GAS2: variants seen among roughly 807,000 people sequenced by gnomAD.
GAS2 encodes the protein growth arrest-specific protein 2.
Under a neutral mutation model 37.5 loss-of-function variants are expected in GAS2, and 20 were observed. The observed-to-expected ratio is 0.53, with a 90% CI of 0.37 to 0.77. The LOEUF (loss-of-function observed/expected upper bound fraction) is 0.77. Among genes scored for constraint, GAS2 ranks in the 30% least tolerant of loss-of-function variants. The probability of loss-of-function intolerance (pLI) is 0.00; values close to 1 mark genes in which losing one functional copy is unlikely to be tolerated. For synonymous variants in GAS2, 144 were observed against 132.2 expected (o/e 1.09, Z -0.61); for missense variants, 336 against 373.4 (o/e 0.90, Z 0.82).
chr11:22,630,723 T>C (rs1858734578), intron 1 of GAS2, among the ~76,000 whole-genome samples: 1 of 152,244 alleles, frequency 6.6e-6, no homozygotes, highest in African/African-American at 2.4e-5. Context: ...ATATCTACTT[T>C]TATACCAGTG....
chr11:22,649,245 C>T (rs1436751437), intron 1 of GAS2, among the ~76,000 whole-genome samples: 1 of 152,134 alleles, frequency 6.6e-6, no homozygotes, highest in Non-Finnish European at 1.5e-5. Context: ...ATTGAACCAG[C>T]CTTGCATCCC....
chr11:22,656,509 G>C (rs1315557513), intron 1 of GAS2, among the ~76,000 whole-genome samples: 2 of 152,166 alleles, frequency 1.3e-5, no homozygotes, highest in African/African-American at 4.8e-5. Context: ...GGAAAACAAA[G>C]TACAATGCAT....
At chr11:22,663,126 C>T (rs1848933608), upstream of GAS2, among the ~76,000 whole-genome samples, 1 of 152,050 alleles carries the variant, frequency 6.6e-6, no homozygotes, top group Non-Finnish European at 1.5e-5. Context: ...GGAAGTGCCA[C>T]CCTTTTAAAA....
At chr11:22,650,489 C>T (rs1350104102) in intron 1 of GAS2, among the ~76,000 whole-genome samples, 12 of 151,634 alleles carry the variant, frequency 7.9e-5, no homozygotes, top group South Asian at 4.2e-4. Flanking sequence ...CTTTCTGTCT[C>T]GTTGATCTGT....
chr11:22,717,667 T>A (rs1227374843), intron 3 of GAS2, among the ~76,000 whole-genome samples: 1 of 151,594 alleles, frequency 6.6e-6, no homozygotes, highest in Non-Finnish European at 1.5e-5. Context: ...AAATAAGCAA[T>A]CACCAGAGTA....
intron 1 of GAS2, among the ~76,000 whole-genome samples, chr11:22,673,512 A>G (rs1004219197): frequency 5.9e-5 from 9 of 152,248 alleles, no homozygotes; most frequent in Non-Finnish European, 1.0e-4. Context: ...GCATATTTAT[A>G]TACAGCGTAG....
intron 7 of GAS2, among the ~76,000 whole-genome samples, chr11:22,759,045 T>C (rs1025677473): frequency 6.6e-6 from 1 of 152,198 alleles, no homozygotes; most frequent in East Asian, 1.9e-4. Flanking sequence ...TTACAAGGTT[T>C]GTTGACCACA....
chr11:22,646,745 C>A (rs1159918599), intron 1 of GAS2, among the ~76,000 whole-genome samples: 1 of 152,100 alleles, frequency 6.6e-6, no homozygotes, highest in Non-Finnish European at 1.5e-5. Context: ...CTTCATACAC[C>A]ATCCACGGTA....
chr11:22,653,610 A>G (rs1016072316), intron 1 of GAS2, among the ~76,000 whole-genome samples: 9 of 152,356 alleles, frequency 5.9e-5, no homozygotes, highest in African/African-American at 2.2e-4. Flanking sequence ...AACCTGTACT[A>G]TAGGCTATAC....
intron 1 of GAS2, among the ~76,000 whole-genome samples, chr11:22,642,008 T>A (rs970909113): frequency 3.3e-5 from 5 of 152,146 alleles, no homozygotes; most frequent in Admixed American, 6.5e-5. Context: ...GTGGAAATAT[T>A]TGTAGATGGA....
chr11:22,795,704 A>G (rs1009767257), intron 7 of GAS2, among the ~76,000 whole-genome samples: 1 of 152,088 alleles, frequency 6.6e-6, no homozygotes, highest in Admixed American at 6.6e-5. Flanking sequence ...GGCTATTGGG[A>G]TAGCTCTGTA....
intron 1 of GAS2, among the ~76,000 whole-genome samples, chr11:22,647,565 C>T (rs186987447): frequency 1.9e-4 from 29 of 152,286 alleles, no homozygotes; most frequent in Non-Finnish European, 2.9e-4. Context: ...CCTATTTCTC[C>T]GCATCCTCTC....
At chr11:22,667,002 G>A (rs1328051592) in intron 1 of GAS2, 103 bp downstream of exon 1, 1 of 152,312 alleles carries the variant, frequency 6.6e-6, no homozygotes, top group African/African-American at 2.4e-5. Context: ...TGCACCCGGG[G>A]CGGCGGGGGA....
intron 5 of GAS2, among the ~76,000 whole-genome samples, chr11:22,740,444 G>A (rs1339479878): frequency 6.6e-6 from 1 of 152,060 alleles, no homozygotes; most frequent in East Asian, 1.9e-4. Context: ...TGGATGGTGT[G>A]AACTATTGTG....
At chr11:22,693,664 G>A (rs1236573856) in intron 3 of GAS2, among the ~76,000 whole-genome samples, 1 of 152,160 alleles carries the variant, frequency 6.6e-6, no homozygotes, top group Non-Finnish European at 1.5e-5. Flanking sequence ...TCTAATGTTT[G>A]CAAAAGTGTA....
At chr11:22,715,143 T>C (rs1421253015) in intron 3 of GAS2, among the ~76,000 whole-genome samples, 1 of 152,042 alleles carries the variant, frequency 6.6e-6, no homozygotes, top group African/African-American at 2.4e-5. Context: ...AAAGAAGAGA[T>C]ACGTTCCAAA....
chr11:22,684,230 T>G (rs566629747), intron 2 of GAS2, among the ~76,000 whole-genome samples: 1 of 152,290 alleles, frequency 6.6e-6, no homozygotes, highest in South Asian at 2.1e-4. Context: ...GATATTGGGT[T>G]AAAGTGCTTA....
intron 7 of GAS2, among the ~76,000 whole-genome samples, chr11:22,774,929 A>T (rs1260877778): frequency 6.6e-6 from 1 of 152,114 alleles, no homozygotes; most frequent in African/African-American, 2.4e-5. Flanking sequence ...GAGACAGCAT[A>T]CAAAAAGGCC....
chr11:22,789,423 GAGATATAT>G (rs1257209850), intron 7 of GAS2, among the ~76,000 whole-genome samples: 9 of 71,162 alleles, frequency 1.3e-4, no homozygotes, highest in South Asian at 4.2e-4. Context: ...TATCTCATAT[GAGATATAT>G]ATATATATAT....
Sources: allele counts gnomAD v4.1 joint callset (sites outside exome capture counted in the v4.1 genomes callset), GRCh38; gene constraint gnomAD v4.1.1; transcripts MANE v1.5; gene names NCBI Gene and HGNC (gene_info 2026-07-23, HGNC 2026-07-21).